Variants in PCLO observed in about 807,000 individuals in gnomAD.
The protein encoded by PCLO is piccolo presynaptic cytomatrix protein, also known as protein piccolo.
In PCLO, 82 loss-of-function variants were observed where a neutral mutation model predicts 427.5. That is an observed-to-expected ratio of 0.19 (90% CI 0.16 to 0.23). The LOEUF (loss-of-function observed/expected upper bound fraction) is 0.23, where lower values mean the gene tolerates loss of function less well. Ranked by LOEUF, PCLO falls within the 10% of genes least tolerant of loss-of-function variation. The pLI is 1.00. For missense variants in PCLO, 6,239 were observed against 6,115.9 expected (o/e 1.02, Z -0.67); for synonymous variants, 2,357 against 2,155.4 (o/e 1.09, Z -2.59).
intron 3 of PCLO, among the ~76,000 whole-genome samples, chr7:82,997,035 A>T (rs1787634758): frequency 6.6e-6 from 1 of 151,986 alleles, no homozygotes; most frequent in African/African-American, 2.4e-5. Flanking sequence ...ATTAATTTTA[A>T]ATCAAAGGAT....
chr7:83,045,290 T>C (rs1286100294), intron 3 of PCLO, among the ~76,000 whole-genome samples: 1 of 151,970 alleles, frequency 6.6e-6, no homozygotes, highest in Non-Finnish European at 1.5e-5. Flanking sequence ...TGTAATTGTA[T>C]TGGGGGTGGA....
chr7:82,817,801 G>A (rs1791708769), intron 20 of PCLO, among the ~76,000 whole-genome samples: 1 of 152,034 alleles, frequency 6.6e-6, no homozygotes, highest in South Asian at 2.1e-4. Flanking sequence ...TCTCCAACCT[G>A]TCCCAGTGGC....
chr7:83,022,437 A>G (rs1788368207), intron 3 of PCLO, among the ~76,000 whole-genome samples: 1 of 152,214 alleles, frequency 6.6e-6, no homozygotes. Flanking sequence ...CTGGAAAATG[A>G]TGGCAATATT....
chr7:82,938,435 A>G (rs192756031), intron 6 of PCLO, among the ~76,000 whole-genome samples: 6 of 151,974 alleles, frequency 3.9e-5, no homozygotes, highest in Non-Finnish European at 5.9e-5. Flanking sequence ...AAAGGTACAG[A>G]TGGCCTCCTT....
At chr7:82,859,131 C>T (rs1363349277) in intron 10 of PCLO, among the ~76,000 whole-genome samples, 1 of 152,136 alleles carries the variant, frequency 6.6e-6, no homozygotes, top group African/African-American at 2.4e-5. Flanking sequence ...ACTCTGGTTC[C>T]TGACTCCTGG....
At chr7:82,788,220 A>C (rs1027576222) in intron 22 of PCLO, among the ~76,000 whole-genome samples, 2 of 147,538 alleles carry the variant, frequency 1.4e-5, no homozygotes, top group African/African-American at 4.9e-5. Context: ...ATAATTAATA[A>C]TTATATATAA....
At position 82,914,723 on chromosome 7, in the gene PCLO, G is replaced by A. The variant is rs1328190727; in HGVS notation, c.13263C>T (p.Ile4421=). ...TRGYDRDIAF[I]MDDFQHAMSD... is the part of the protein sequence containing the mutation. ...ACATGGCATGTTGGAAGTCATCCATGATGAATGCTATGTCACGGTCATAGC... is the reference window on the plus strand; with the variant it reads ...ACATGGCATGTTGGAAGTCATCCATAATGAATGCTATGTCACGGTCATAGC... Residue 4421 remains isoleucine (I), a synonymous_variant, in exon 7 of 25, where the codon ATC becomes ATT. Coordinates refer to ENST00000333891, the MANE Select transcript of PCLO (RefSeq NM_033026.6). 1 of 1,613,024 alleles carries A rather than the reference G, an allele frequency of 6.2e-7. No homozygotes were observed. Among genetic ancestry groups the A allele is most frequent in the Non-Finnish European group, 8.5e-7 (1 of 1,179,556 alleles).
chr7:82,924,644 T>C (rs1037830505), intron 6 of PCLO, among the ~76,000 whole-genome samples: 13 of 152,010 alleles, frequency 8.6e-5, no homozygotes, highest in African/African-American at 3.1e-4. Flanking sequence ...TCTAAGTTTA[T>C]AAGAAGGATC....
chr7:83,138,085 A>G (rs1363214838), intron 2 of PCLO, among the ~76,000 whole-genome samples: 1 of 152,200 alleles, frequency 6.6e-6, no homozygotes, highest in Non-Finnish European at 1.5e-5. Flanking sequence ...TGATCACCTC[A>G]TAATCATGCA....
At chr7:83,037,432 T>C (rs1788823492) in intron 3 of PCLO, among the ~76,000 whole-genome samples, 1 of 152,062 alleles carries the variant, frequency 6.6e-6, no homozygotes, top group African/African-American at 2.4e-5. Context: ...TAGTTGGTTT[T>C]AAAGGTTTGT....
At chr7:82,873,206 T>C (rs1276994348) in intron 10 of PCLO, among the ~76,000 whole-genome samples, 2 of 135,246 alleles carry the variant, frequency 1.5e-5, no homozygotes, top group African/African-American at 5.5e-5. Context: ...TTTTTGTACA[T>C]TCGAACCTTT....
chr7:82,936,665 T>C (rs1319885461), intron 6 of PCLO, among the ~76,000 whole-genome samples: 1 of 151,688 alleles, frequency 6.6e-6, no homozygotes, highest in Non-Finnish European at 1.5e-5. Context: ...CAGTTAGCTA[T>C]TCCTAGGCAT....
chr7:82,944,993 T>A (rs1795168119), intron 6 of PCLO, among the ~76,000 whole-genome samples: 1 of 152,194 alleles, frequency 6.6e-6, no homozygotes, highest in Non-Finnish European at 1.5e-5. Flanking sequence ...CACCTTTCAT[T>A]AAAATGTACA....
At chr7:83,110,275 A>C (rs550847260) in intron 3 of PCLO, among the ~76,000 whole-genome samples, 1 of 152,152 alleles carries the variant, frequency 6.6e-6, no homozygotes, top group African/African-American at 2.4e-5. Flanking sequence ...GATGATATTA[A>C]GATCCGAGAA....
intron 3 of PCLO, among the ~76,000 whole-genome samples, chr7:83,125,516 G>A (rs1441547215): frequency 6.6e-6 from 1 of 152,170 alleles, no homozygotes; most frequent in Admixed American, 6.5e-5. Context: ...GTAGACATAG[G>A]AGACTCCATT....
At chr7:83,057,511 G>A (rs900771381) in intron 3 of PCLO, among the ~76,000 whole-genome samples, 29 of 149,250 alleles carry the variant, frequency 1.9e-4, no homozygotes, top group African/African-American at 6.2e-4. Flanking sequence ...GCATGCGCCC[G>A]CCACCATGCC....
chr7:82,888,257 T>C (rs904470640), intron 9 of PCLO, among the ~76,000 whole-genome samples: 1 of 152,104 alleles, frequency 6.6e-6, no homozygotes, highest in Non-Finnish European at 1.5e-5. Context: ...AGGGTGACAG[T>C]TTTACTTTCT....
At chr7:82,845,208 G>GC in intron 13 of PCLO, 63 bp downstream of exon 13, 1 of 1,074,260 alleles carries the variant, frequency 9.3e-7, no homozygotes, top group Non-Finnish European at 1.4e-6. Flanking sequence ...TTTATTTTCT[G>GC]TCTCTATGCT....
chr7:82,952,406 T>C lies in PCLO; in HGVS notation c.8547A>G (p.Glu2849=). The C allele has an allele frequency of 6.2e-7, 1 of 1,613,874 alleles. No individual in the cohort carries two copies. The change falls in exon 5 of 25, where the codon GAA becomes GAG. Residue 2849 remains glutamate, a synonymous_variant. Transcript: ENST00000333891. ...CTAGAGATAAGTTTATTGGTGCTTC[T>C]TCCCTAGCTATAGGAAAGACCTGGT... ...PSDQVFPIAR[E]EAPINLSLGT...
Sources: allele counts gnomAD v4.1 joint callset (sites outside exome capture counted in the v4.1 genomes callset), GRCh38; gene constraint gnomAD v4.1.1; transcripts MANE v1.5; gene names NCBI Gene and HGNC (gene_info 2026-07-23, HGNC 2026-07-21).